GPM6A: variants seen among roughly 807,000 people sequenced by gnomAD.
The protein encoded by GPM6A is glycoprotein M6A, also known as neuronal membrane glycoprotein M6-a.
Under a neutral mutation model 32.1 loss-of-function variants are expected in GPM6A, and 7 were observed. The ratio of observed to expected loss-of-function variants is 0.22; its 90% confidence interval spans 0.12 to 0.41. GPM6A has a LOEUF of 0.41. Ranked by LOEUF, GPM6A falls within the 10% of genes least tolerant of loss-of-function variation. GPM6A has a pLI of 1.00. For synonymous variants in GPM6A, 130 were observed against 123.4 expected (o/e 1.05, Z -0.35); for missense variants, 235 against 347.2 (o/e 0.68, Z 2.57).
rs1216884431 is a variant in GPM6A, at chr4:175,677,354, A to G, written c.231-3518T>C. ...AACATCTTCCTCCCTCTTGGCAAATAGGTTTTCTCTACTTTTCTATGTGCT... is the reference window on the plus strand; with the variant it reads ...AACATCTTCCTCCCTCTTGGCAAATGGGTTTTCTCTACTTTTCTATGTGCT... On this transcript the variant is annotated intron_variant, in intron 2 of 6. Coordinates refer to ENST00000393658, the MANE Select transcript of GPM6A (RefSeq NM_201591.3). 2.0e-5 allele frequency among the ~76,000 whole-genome samples: 3 copies of G among 152,274 alleles called. No individual in the cohort carries two copies. In the East Asian group the frequency reaches 5.8e-4, roughly 29 times the overall value.
At chr4:175,747,893 G>A (rs982795102) in intron 1 of GPM6A, among the ~76,000 whole-genome samples, 4 of 149,882 alleles carry the variant, frequency 2.7e-5, no homozygotes, top group Non-Finnish European at 6.0e-5. Flanking sequence ...CAAAATTGGA[G>A]TCAATCCTCT....
At chr4:175,962,246 A>T in intron 1 of GPM6A, 3 of 1,352,754 alleles carry the variant, frequency 2.2e-6, no homozygotes, top group South Asian at 2.3e-5. Context: ...TTGACCTCCT[A>T]TATGTCATTG....
Position 175,650,969 on chromosome 4 carries a change from T to C in GPM6A, c.541+865A>G, listed in dbSNP as rs751583395. ...TCCCATAATGTTACACATGATAACATAGAATCTCAAATAGGCTGAGATTAT... is the reference window on the plus strand; with the variant it reads ...TCCCATAATGTTACACATGATAACACAGAATCTCAAATAGGCTGAGATTAT... On this transcript the variant is annotated intron_variant, in intron 4 of 6. Coordinates refer to ENST00000393658, the MANE Select transcript of GPM6A (RefSeq NM_201591.3). 5.3e-5 allele frequency among the ~76,000 whole-genome samples: 8 copies of C among 152,332 alleles called. No individual in the cohort carries two copies. In the East Asian group the frequency reaches 5.8e-4, roughly 11 times the overall value.
At chr4:175,822,303 A>G (rs542130259) in intron 1 of GPM6A, among the ~76,000 whole-genome samples, 50 of 152,242 alleles carry the variant, frequency 3.3e-4, no homozygotes, top group Middle Eastern at 3.4e-3. Context: ...ACTTCTTTTA[A>G]TTGGAAATCT....
Position 175,896,453 on chromosome 4 carries a change from G to C in GPM6A, c.-22-84204C>G, listed in dbSNP as rs143885925. Among the ~76,000 whole-genome samples the C allele has an allele frequency of 1.3e-3, 192 of 152,210 alleles. No individual in the cohort carries two copies. The Middle Eastern group carries it at 0.031, about 24-fold the overall frequency. ...TGAGTTCAGCTATTCCTGAGATCCA[G>C]ACATGTCTGCCCCCTTTGAAGCCTT... On this transcript the variant is annotated intron_variant, in intron 1 of 7. Coordinates refer to the GPM6A transcript ENST00000280187.
intron 1 of GPM6A, among the ~76,000 whole-genome samples, chr4:175,716,434 A>G (rs1446362932): frequency 1.3e-5 from 2 of 152,110 alleles, no homozygotes; most frequent in South Asian, 2.1e-4. Context: ...CTGGAGAGGT[A>G]ATTCAAAAGT....
At position 175,634,317 on chromosome 4, in the gene GPM6A, A is replaced by G. The variant is rs1436981937; in HGVS notation, c.*588T>C. On this transcript the variant is annotated 3_prime_UTR_variant, in exon 7 of 7. Coordinates refer to ENST00000393658, the MANE Select transcript of GPM6A (RefSeq NM_201591.3). ...AAGAAGCACTTTTTTTTTTAAACCTACTCTTACAAATTTAGAAATTGCACC... is the reference window on the plus strand; with the variant it reads ...AAGAAGCACTTTTTTTTTTAAACCTGCTCTTACAAATTTAGAAATTGCACC... 1 of 152,392 alleles carries G rather than the reference A, an allele frequency of 6.6e-6. No individual in the cohort carries two copies. The highest frequency in any genetic ancestry group is 2.4e-5 in the African/African-American group (1 of 41,394). 9.4% of individuals were successfully genotyped at this position (152,392 alleles called of 1,614,324 possible). A position where few individuals can be genotyped will look rare whatever the true frequency, so the allele number is the denominator to read the frequency against.
intron 1 of GPM6A, among the ~76,000 whole-genome samples, chr4:175,909,028 C>T (rs1223873807): frequency 1.6e-5 from 1 of 61,870 alleles, no homozygotes; most frequent in African/African-American, 7.3e-5. Context: ...TAGAGGCAGA[C>T]AAAAAAAAAA....
At chr4:175,962,952 T>C (rs1256898937) in intron 1 of GPM6A, among the ~76,000 whole-genome samples, 1 of 151,928 alleles carries the variant, frequency 6.6e-6, no homozygotes, top group Admixed American at 6.6e-5. Flanking sequence ...AGATGGGTAA[T>C]GTAAGCAGAA....
intron 1 of GPM6A, among the ~76,000 whole-genome samples, chr4:175,836,912 C>A (rs1367077478): frequency 6.6e-6 from 1 of 152,094 alleles, no homozygotes; most frequent in African/African-American, 2.4e-5. Context: ...AACAACTCCC[C>A]CAGGATGTCC....
intron 1 of GPM6A, among the ~76,000 whole-genome samples, chr4:175,993,379 T>G (rs114216051): frequency 6.6e-6 from 1 of 152,124 alleles, no homozygotes; most frequent in Non-Finnish European, 1.5e-5. Context: ...AACTCTTTTT[T>G]TTTCTTTGAT....
intron 1 of GPM6A, among the ~76,000 whole-genome samples, chr4:175,913,144 T>C (rs577729096): frequency 7.9e-5 from 12 of 152,230 alleles, no homozygotes; most frequent in Non-Finnish European, 1.5e-4. Context: ...TTTCTTTTTA[T>C]GCATTGTTCT....
intron 1 of GPM6A, among the ~76,000 whole-genome samples, chr4:175,705,453 A>G (rs537894608): frequency 2.0e-5 from 3 of 152,312 alleles, no homozygotes; most frequent in South Asian, 2.1e-4. Context: ...GCTAGATCCT[A>G]ACTATCCCCA....
intron 1 of GPM6A, among the ~76,000 whole-genome samples, chr4:175,997,811 T>C (rs556309324): frequency 3.3e-4 from 51 of 152,340 alleles, no homozygotes; most frequent in African/African-American, 1.2e-3. Flanking sequence ...TTCCATTGGA[T>C]ATTTTTCTCT....
At chr4:175,997,987 T>A (rs1741361534) in intron 1 of GPM6A, among the ~76,000 whole-genome samples, 1 of 152,206 alleles carries the variant, frequency 6.6e-6, no homozygotes. Context: ...CTCCTTATAC[T>A]CACACTTTCA....
intron 1 of GPM6A, among the ~76,000 whole-genome samples, chr4:175,858,262 C>A (rs371666163): frequency 6.6e-6 from 1 of 152,052 alleles, no homozygotes; most frequent in Admixed American, 6.6e-5. Context: ...TTGGACGCTG[C>A]GGCTCTTGCC....
intron 1 of GPM6A, among the ~76,000 whole-genome samples, chr4:175,920,221 G>A (rs1003799816): frequency 6.6e-6 from 1 of 152,166 alleles, no homozygotes; most frequent in Non-Finnish European, 1.5e-5. Context: ...ATTGCCACTG[G>A]GATCCTACAT....
At chr4:175,686,752 C>T (rs75568240) in intron 2 of GPM6A, among the ~76,000 whole-genome samples, 6,316 of 152,316 alleles carry the variant, frequency 0.041, 174 homozygotes, top group Non-Finnish European at 0.062. Flanking sequence ...ATGGCAGTCA[C>T]AGTGAACTAA....
At chr4:175,982,505 T>C (rs1360064988) in intron 1 of GPM6A, among the ~76,000 whole-genome samples, 1 of 152,170 alleles carries the variant, frequency 6.6e-6, no homozygotes, top group Non-Finnish European at 1.5e-5. Flanking sequence ...TAAAATACTT[T>C]GCTTTTCTCC....
Sources: gnomAD v4.1 joint callset for allele counts (sites outside exome capture counted in the v4.1 genomes callset) on GRCh38, gnomAD v4.1.1 for gene constraint, MANE v1.5 for transcripts, NCBI Gene and HGNC (gene_info 2026-07-23, HGNC 2026-07-21) for gene names.